Variants in CDH24 observed in about 807,000 individuals in gnomAD.
CDH24 encodes the protein cadherin-24.
CDH24 carries 61 observed loss-of-function variants against 71.2 expected under a neutral mutation model. The ratio of observed to expected loss-of-function variants is 0.86; its 90% CI spans 0.70 to 1.06. The LOEUF is 1.06. CDH24 is among the 50% of genes least tolerant of loss of function. The probability of loss-of-function intolerance (pLI) is 0.00; values close to 1 mark genes in which losing one functional copy is unlikely to be tolerated. For missense variants in CDH24, 961 were observed against 1,083.7 expected (o/e 0.89, Z 1.59); for synonymous variants, 440 against 470.2 (o/e 0.94, Z 0.83).
chr14:23,052,762 T>C (rs1041727505), intron 7 of CDH24, among the ~76,000 whole-genome samples, 153 bp from the exon 8 acceptor site: 4 of 152,048 alleles, frequency 2.6e-5, no homozygotes, highest in Non-Finnish European at 5.9e-5. Flanking sequence ...TTAAAAGGCA[T>C]ATATCCCTGG....
chr14:23,048,104 C>T lies in CDH24; in HGVS notation c.2222G>A (p.Ser741Asn), dbSNP rs1183900624. Residue 741 changes from serine (S) to asparagine (N), a missense_variant, in exon 12 of 13, where the codon AGC becomes AAC. Ser to Asn is a conservative substitution (Grantham distance 46). Transcript: ENST00000487137. ...GGCTTCGCTGCCGGAGCCCAGGGAG[C>T]TGAGGGAGCCGCAAGAGGAGCCGCG... ...EGRGSSCGSL[S>N]SLGSGSEAGG... The T allele has an allele frequency of 7.1e-7, 1 of 1,409,542 alleles. No homozygotes were observed. 87.3% of individuals were successfully genotyped at this position (1,409,542 alleles called of 1,614,324 possible). A position where few individuals can be genotyped will look rare whatever the true frequency, so the allele number is the denominator to read the frequency against.
intron 7 of CDH24, 76 bp from the exon 8 acceptor site, chr14:23,052,685 C>T: frequency 3.3e-6 from 5 of 1,501,634 alleles, no homozygotes; most frequent in Non-Finnish European, 4.6e-6. Context: ...CTTCTTTCTT[C>T]CCTCTGTTCA....
Position 23,051,895 on chromosome 14 carries a change from G to A in CDH24, c.1363+578C>T, listed in dbSNP as rs924885105. The A allele has an allele frequency of 1.2e-6, 1 of 838,806 alleles. No homozygotes were observed. Among genetic ancestry groups the A allele is most frequent in the Admixed American group, 2.9e-5 (1 of 34,702 alleles). The allele number at this position is 838,806 out of a possible 1,614,324, so 52.0% of individuals were successfully genotyped here. The stretch of plus-strand genomic sequence containing the variant: ...CTGCCCAGAGGCAGCTGAACCCGCT[G>A]CTGGCCTGACTGATGGGGGAGACCG... On this transcript the variant is annotated intron_variant, in intron 8 of 12. Transcript: ENST00000487137. This position sits in a 1 kb window ranked among gnomAD's most constrained non-coding sequence, Gnocchi z 4.4.
At position 23,055,296 on chromosome 14, in the gene CDH24, C is replaced by G. The variant is rs776068521; in HGVS notation, c.259G>C (p.Gly87Arg). Reference sequence around the variant, plus strand: ...TCAATCACAAATACGGTGCCTGCCCCCTCCCCGGTCAACAGGTACTTGGTG... The same window carrying G: ...TCAATCACAAATACGGTGCCTGCCCGCTCCCCGGTCAACAGGTACTTGGTG... ...GRTKYLLTGE[G>R]AGTVFVIDEA... is the part of the protein sequence containing the mutation. The change falls in exon 3 of 13, where the codon GGG (glycine) becomes CGG (arginine). Residue 87 changes from glycine to arginine, a missense_variant. This residue lies in a region of CDH24 where 671 missense variants were observed against 810.9 expected (regional missense o/e 0.83). Transcript: ENST00000487137. This position sits in a 1 kb window ranked among gnomAD's most constrained non-coding sequence, Gnocchi z 4.1. The G allele has an allele frequency of 6.2e-6, 10 of 1,611,712 alleles. No individual in the cohort carries two copies. In the South Asian group the frequency reaches 9.9e-5, roughly 16 times the overall value.
At chr14:23,053,862 T>A in intron 6 of CDH24, 113 bp from the exon 7 acceptor site, 1 of 1,111,004 alleles carries the variant, frequency 9.0e-7, no homozygotes, top group Non-Finnish European at 1.3e-6. Context: ...TCAGTCCTCA[T>A]GTGAGGAGAG....
At chr14:23,050,227 G>A in intron 8 of CDH24, 1 of 314,278 alleles carries the variant, frequency 3.2e-6, no homozygotes, top group Non-Finnish European at 5.9e-6. Flanking sequence ...CCACATGCAG[G>A]GCACATGCAG....
Position 23,054,272 on chromosome 14 carries a change from G to A in CDH24, c.841C>T (p.Leu281Phe), listed in dbSNP as rs921516640. 1.9e-6 allele frequency: 3 copies of A among 1,612,952 alleles called. No homozygotes were observed. The highest frequency in any genetic ancestry group is 2.5e-6 in the Non-Finnish European group (3 of 1,179,442). ...TAGPGTLVGR[L>F]RAQDPDLGDN... is the part of the protein sequence containing the mutation. The stretch of plus-strand genomic sequence containing the variant: ...CCCAGGTCTGGGTCCTGGGCCCGGA[G>A]CCGGCCCACCAGTGTGCCAGGTCCA... The change falls in exon 6 of 13, where the codon CTC becomes TTC. Residue 281 changes from leucine to phenylalanine, a missense_variant. By Grantham distance (22) the Leu-to-Phe change is conservative (BLOSUM62 0). This residue lies in a region of CDH24 where 671 missense variants were observed against 810.9 expected (regional missense o/e 0.83). Coordinates refer to ENST00000487137, the MANE Select transcript of CDH24 (RefSeq NM_144985.4). This position sits in a 1 kb window ranked among gnomAD's most constrained non-coding sequence, Gnocchi z 5.2.
chr14:23,047,913 T>G lies in CDH24; in HGVS notation c.*67A>C. On this transcript the variant is annotated 3_prime_UTR_variant, in exon 12 of 13. Transcript: ENST00000487137. ...GCTGCTGCCGCCCGCCTGGACCCCG[T>G]GGGGCTCACTCAGAGGGCCTGTGCC... 1 of 1,201,926 alleles carries G rather than the reference T, an allele frequency of 8.3e-7. No individual in the cohort carries two copies. The allele number at this position is 1,201,926 out of a possible 1,614,324, so 74.5% of individuals were successfully genotyped here. A position where few individuals can be genotyped will look rare whatever the true frequency, so the allele number is the denominator to read the frequency against.
At position 23,054,932 on chromosome 14, in the gene CDH24, G is replaced by GC; in HGVS notation, c.497-67_497-66insG. The GC allele has an allele frequency of 6.2e-7, 1 of 1,604,588 alleles. No homozygotes were observed. Among genetic ancestry groups the GC allele is most frequent in the Non-Finnish European group, 8.5e-7 (1 of 1,175,692 alleles). ...AGGATGGGGAAGAACAACCGATGGGGGGGGATGCAGATACGAGGGAGGCTG... is the reference window on the plus strand; with the variant it reads ...AGGATGGGGAAGAACAACCGATGGGGCGGGGATGCAGATACGAGGGAGGCTG... On this transcript the variant is annotated intron_variant, in intron 3 of 12. Transcript: ENST00000487137. The surrounding 1 kb of genome is among the most constrained non-coding windows in gnomAD (Gnocchi z 5.2).
chr14:23,055,911 G>T lies in CDH24; in HGVS notation c.-124-54C>A, dbSNP rs572042797. 594 of 580,674 alleles carry T rather than the reference G, an allele frequency of 1.0e-3. 17 individuals carry two copies. In the South Asian group the frequency reaches 0.013, roughly 13 times the overall value. The allele number at this position is 580,674 out of a possible 1,614,324, so 36.0% of individuals were successfully genotyped here. ...AGGAAACCCCTAGCCCTCCTCCCCC[G>T]CAAAATTAGATGCTGAAGACCAGAC... is the stretch of plus-strand genomic sequence containing the variant. On this transcript the variant is annotated intron_variant, in intron 1 of 12. Coordinates refer to ENST00000487137, the MANE Select transcript of CDH24 (RefSeq NM_144985.4). This position sits in a 1 kb window ranked among gnomAD's most constrained non-coding sequence, Gnocchi z 4.1.
At chr14:23,056,997 T>C (rs1409189199) in intron 1 of CDH24, among the ~76,000 whole-genome samples, 2 of 145,794 alleles carry the variant, frequency 1.4e-5, no homozygotes, top group Non-Finnish European at 1.5e-5. Flanking sequence ...AGGAAGGGGA[T>C]AGAGGAGTGG....
rs771868638 is a variant in CDH24, at chr14:23,055,216, C to T, written c.339G>A (p.Ala113=). 14 of 1,614,042 alleles carry T rather than the reference C, an allele frequency of 8.7e-6. No individual in the cohort carries two copies. The highest frequency in any genetic ancestry group is 6.7e-5 in the Admixed American group (4 of 60,012). The change falls in exon 3 of 13, where the codon GCG becomes GCA. Residue 113 remains alanine (A), a synonymous_variant. Transcript: ENST00000487137. This position sits in a 1 kb window ranked among gnomAD's most constrained non-coding sequence, Gnocchi z 4.1. ...VTKSLDREEK[A]QYVLLAQAVD... ...CGGCTTGGGCCAGTAGCACATATTG[C>T]GCCTTTTCCTCCCGGTCAAGGCTCT...
In CDH24 at chr14:23,054,635, T is replaced by G. The variant is rs757161922; in HGVS notation, c.655A>C (p.Thr219Pro). ...RTAIPNMDRE[T>P]QEEFLVVIQA... Reference sequence around the variant, plus strand: ...ATCACCACCAAGAACTCCTCCTGTGTCTCCCGGTCCATGTTGGGGATGGCT... The same window carrying G: ...ATCACCACCAAGAACTCCTCCTGTGGCTCCCGGTCCATGTTGGGGATGGCT... Residue 219 changes from threonine (T) to proline (P), a missense_variant, in exon 5 of 13, where the codon ACA (threonine) becomes CCA (proline). Coordinates refer to ENST00000487137, the MANE Select transcript of CDH24 (RefSeq NM_144985.4). This position sits in a 1 kb window ranked among gnomAD's most constrained non-coding sequence, Gnocchi z 5.2. 1.2e-6 allele frequency: 2 copies of G among 1,613,936 alleles called. No homozygotes were observed. The highest frequency in any genetic ancestry group is 4.5e-5 in the East Asian group (2 of 44,878).
At position 23,047,960 on chromosome 14, in the gene CDH24, GGCCGGGCCA is replaced by G. The variant is rs1566720905; in HGVS notation, c.*11_*19del. Reference sequence around the variant, plus strand: ...TGCCCGCTGCCCCCCCCCCGCGGTGGGCCGGGCCAGCCCGGGCGCTCAGGGGGCCGGGGG... The same window carrying G: ...TGCCCGCTGCCCCCCCCCCGCGGTGGGCCCGGGCGCTCAGGGGGCCGGGGG... On this transcript the variant is annotated 3_prime_UTR_variant, in exon 12 of 13. Transcript: ENST00000487137. The G allele has an allele frequency of 2.3e-6, 3 of 1,307,322 alleles. No individual in the cohort carries two copies. The highest frequency in any genetic ancestry group is 2.9e-6 in the Non-Finnish European group (3 of 1,032,894). 81.0% of individuals were successfully genotyped at this position (1,307,322 alleles called of 1,614,324 possible).
rs1362665005 is a variant in CDH24 at position 23,048,037 on chromosome 14, AC to A, written c.2288del (p.Gly763ValfsTer40). Reference sequence around the variant, plus strand: ...GCTCGGCCAGGGTGCGGAAGAGCGGACCCCAGTCGTCCAGCGGCTCCGCGGG... The same window carrying A: ...GCTCGGCCAGGGTGCGGAAGAGCGGACCCAGTCGTCCAGCGGCTCCGCGGG... ...PGPAEPLDDW[G>X]PLFRTLAELY... On this transcript the variant is annotated frameshift_variant, in exon 12 of 13. Transcript: ENST00000487137. LOFTEE classifies it high-confidence loss of function. The A allele has an allele frequency of 1.5e-5, 22 of 1,446,844 alleles. No homozygotes were observed. Among genetic ancestry groups the A allele is most frequent in the Non-Finnish European group, 2.0e-5 (22 of 1,105,038 alleles). The allele number at this position is 1,446,844 out of a possible 1,614,324, so 89.6% of individuals were successfully genotyped here.
chr14:23,049,846 C>T lies in CDH24; in HGVS notation c.1461G>A (p.Val487=), dbSNP rs149513148. 46 of 1,613,972 alleles carry T rather than the reference C, an allele frequency of 2.9e-5. No homozygotes were observed. In the African/African-American group the frequency reaches 5.6e-4, roughly 20 times the overall value. The change falls in exon 9 of 13, where the codon GTG becomes GTA. Residue 487 remains valine, a synonymous_variant. Transcript: ENST00000487137. ...PQLAEPYDTF[V]CDSAAPGQLI... ...CCTGGCCAGGAGCTGCAGAGTCACA[C>T]ACAAAAGTATCGTAGGGCTCAGCCA...
rs374891172 is a variant in CDH24, at chr14:23,054,125, C to T, written c.972+16G>A. The T allele has an allele frequency of 2.5e-6, 4 of 1,571,382 alleles. No individual in the cohort carries two copies. The East Asian group carries it at 6.8e-5, about 27-fold the overall frequency. Reference sequence around the variant, plus strand: ...AGGCAGGTCTAAGAGAAAGCATTAACAGGCAGGAGGCTAACCTTGCGGACA... The same window carrying T: ...AGGCAGGTCTAAGAGAAAGCATTAATAGGCAGGAGGCTAACCTTGCGGACA... On this transcript the variant is annotated intron_variant, in intron 6 of 12. Transcript: ENST00000487137. This position sits in a 1 kb window ranked among gnomAD's most constrained non-coding sequence, Gnocchi z 5.2.
rs1470790824 is a variant in CDH24 at position 23,052,479 on chromosome 14, C to T, written c.1357G>A (p.Glu453Lys). 3 of 1,613,648 alleles carry T rather than the reference C, an allele frequency of 1.9e-6. No individual in the cohort carries two copies. The highest frequency in any genetic ancestry group is 2.5e-6 in the Non-Finnish European group (3 of 1,179,976). Residue 453 changes from glutamate to lysine, a missense_variant, in exon 8 of 13, where the codon GAG (glutamate) becomes AAG (lysine). Glu to Lys is a moderately conservative substitution (Grantham distance 56, BLOSUM62 1). Coordinates refer to ENST00000487137, the MANE Select transcript of CDH24 (RefSeq NM_144985.4). ...TGGGCCCTGGAGTCCTCACCGAGCT[C>T]TGTAGCCAGCACAGTGAGGTTGTGC... is the stretch of plus-strand genomic sequence containing the variant. ...AWHNLTVLAT[E>K]LDSSAQASRV... is the part of the protein sequence containing the mutation.
Position 23,052,286 on chromosome 14 carries a change from A to G in CDH24, c.1363+187T>C, listed in dbSNP as rs965830694. 26 of 777,072 alleles carry G rather than the reference A, an allele frequency of 3.3e-5. No individual in the cohort carries two copies. In the East Asian group the frequency reaches 7.0e-4, roughly 21 times the overall value. 48.1% of individuals were successfully genotyped at this position (777,072 alleles called of 1,614,324 possible). A position where few individuals can be genotyped will look rare whatever the true frequency, so the allele number is the denominator to read the frequency against. ...AGGCCCGCCCTGCCTGGTAGCAAGG[A>G]TCCAGGCTAGGACCCAGATCCAGGC... On this transcript the variant is annotated intron_variant, in intron 8 of 12. Coordinates refer to ENST00000487137, the MANE Select transcript of CDH24 (RefSeq NM_144985.4).
Sources: gnomAD v4.1 joint callset for allele counts (sites outside exome capture counted in the v4.1 genomes callset) on GRCh38, gnomAD v4.1.1 for gene constraint, gnomAD v4.1.1 regional missense constraint, Gnocchi (gnomAD v3.1) non-coding constraint, MANE v1.5 for transcripts, NCBI Gene and HGNC (gene_info 2026-07-23, HGNC 2026-07-21) for gene names.